Variants in LRRC49 observed in about 807,000 individuals in gnomAD.
LRRC49 encodes the protein leucine-rich repeat-containing protein 49.
Under a neutral mutation model 83.3 loss-of-function variants are expected in LRRC49, and 50 were observed. That is an observed-to-expected ratio of 0.60 (90% CI 0.48 to 0.76). The LOEUF (loss-of-function observed/expected upper bound fraction) is 0.76, where lower values mean the gene tolerates loss of function less well. Ranked by LOEUF, LRRC49 falls within the 30% of genes least tolerant of loss-of-function variation. The pLI is 0.00. For synonymous variants in LRRC49, 286 were observed against 283.3 expected (o/e 1.01, Z -0.10); for missense variants, 704 against 809.1 (o/e 0.87, Z 1.58).
At chr15:70,894,485 C>G (rs556618701) in intron 2 of LRRC49, 2 of 432,070 alleles carry the variant, frequency 4.6e-6, no homozygotes, top group South Asian at 2.1e-5. Flanking sequence ...CATAATGTCT[C>G]TAGCATTTCT....
intron 11 of LRRC49, among the ~76,000 whole-genome samples, chr15:70,996,701 T>TA (rs2038084891): frequency 6.6e-6 from 1 of 152,188 alleles, no homozygotes; most frequent in Non-Finnish European, 1.5e-5. Flanking sequence ...TCTAAATCTC[T>TA]GTTTTTTTGT....
intron 11 of LRRC49, among the ~76,000 whole-genome samples, chr15:71,007,090 A>G (rs1461774626): frequency 6.6e-6 from 1 of 151,982 alleles, no homozygotes; most frequent in Non-Finnish European, 1.5e-5. Context: ...TCTTGGTTGC[A>G]TATTCACTTA....
intron 11 of LRRC49, among the ~76,000 whole-genome samples, chr15:71,007,526 T>C (rs906622665): frequency 5.3e-5 from 8 of 151,776 alleles, no homozygotes; most frequent in African/African-American, 1.4e-4. Flanking sequence ...AAAACCATGC[T>C]TTGTTTAAGT....
At chr15:70,882,984 T>G in intron 2 of LRRC49, 1 of 1,478,356 alleles carries the variant, frequency 6.8e-7, no homozygotes, top group Non-Finnish European at 9.2e-7. Context: ...TTACAAGTAG[T>G]AAGACAGTAT....
intron 2 of LRRC49, 32 bp from the exon 3 acceptor site, chr15:70,895,817 C>T: frequency 1.4e-6 from 2 of 1,393,054 alleles, no homozygotes; most frequent in Non-Finnish European, 2.0e-6. Context: ...AATTTGTCTC[C>T]AAATATTTTT....
At chr15:70,988,322 G>A (rs1244220781) in intron 11 of LRRC49, among the ~76,000 whole-genome samples, 2 of 146,782 alleles carry the variant, frequency 1.4e-5, no homozygotes, top group Non-Finnish European at 1.5e-5. Flanking sequence ...GGGTGCTCCT[G>A]TATTGGGTGC....
upstream of LRRC49, chr15:70,891,884 C>T (rs778351800): frequency 1.9e-6 from 3 of 1,611,848 alleles, no homozygotes; most frequent in Admixed American, 3.3e-5. Context: ...GGGGCGTGTA[C>T]AGGAGACTGG....
intron 1 of LRRC49, among the ~76,000 whole-genome samples, chr15:70,862,191 C>T (rs1378796599): frequency 1.3e-5 from 2 of 152,206 alleles, no homozygotes; most frequent in Admixed American, 1.3e-4. Flanking sequence ...GCAGTCAATG[C>T]TTCTCCCTGA....
At chr15:70,863,441 A>G (rs2032839312) in intron 1 of LRRC49, among the ~76,000 whole-genome samples, 1 of 152,248 alleles carries the variant, frequency 6.6e-6, no homozygotes, top group African/African-American at 2.4e-5. Context: ...CCTTTTCTCA[A>G]GTATTCTGGT....
In LRRC49 at chr15:70,895,890, T is replaced by G. The variant is rs145782668; in HGVS notation, c.147T>G (p.Gly49=). ...KLNKDTSSFP[G]RLLQHDLERN... is the part of the protein sequence containing the mutation. The stretch of plus-strand genomic sequence containing the variant: ...ATAAAGACACATCGTCATTCCCCGG[T>G]AGACTTTTACAACATGACCTTGAAA... Residue 49 remains glycine, a synonymous_variant, in exon 3 of 16, where the codon GGT becomes GGG. Coordinates refer to ENST00000260382, the MANE Select transcript of LRRC49 (RefSeq NM_017691.5). 19 of 1,612,008 alleles carry G rather than the reference T, an allele frequency of 1.2e-5. No individual in the cohort carries two copies. Among genetic ancestry groups the G allele is most frequent in the Admixed American group, 1.7e-5 (1 of 59,822 alleles).
intron 8 of LRRC49, among the ~76,000 whole-genome samples, chr15:70,952,567 A>T (rs1275553997): frequency 6.6e-6 from 1 of 152,160 alleles, no homozygotes; most frequent in Non-Finnish European, 1.5e-5. Context: ...AGTCAGTCAG[A>T]GTATGTGCCA....
At chr15:70,883,648 A>AT (rs2033326041) in intron 2 of LRRC49, among the ~76,000 whole-genome samples, 4 of 122,646 alleles carry the variant, frequency 3.3e-5, no homozygotes, top group African/African-American at 1.4e-4. Context: ...TGTGAAATGG[A>AT]ATTTTTTTTT....
intron 8 of LRRC49, among the ~76,000 whole-genome samples, chr15:70,958,980 ATATCATCTAGCT>A (rs2036499366): frequency 6.6e-6 from 1 of 152,150 alleles, no homozygotes. Context: ...TGAATATTCT[ATATCATCTAGCT>A]TTTCTTGACA....
chr15:70,974,851 T>C (rs2037150619), intron 9 of LRRC49, among the ~76,000 whole-genome samples: 1 of 152,152 alleles, frequency 6.6e-6, no homozygotes, highest in Non-Finnish European at 1.5e-5. Context: ...TCTAGAAAAG[T>C]AAGCAGAATT....
At chr15:70,912,290 A>G (rs975212412) in intron 6 of LRRC49, among the ~76,000 whole-genome samples, 2 of 152,086 alleles carry the variant, frequency 1.3e-5, no homozygotes, top group Non-Finnish European at 2.9e-5. Flanking sequence ...GTTTTTTGCT[A>G]TTATGAATAG....
intron 2 of LRRC49, 94 bp downstream of exon 2, chr15:70,893,734 G>T: frequency 1.0e-6 from 1 of 981,832 alleles, no homozygotes; most frequent in East Asian, 2.5e-5. Context: ...ATTCTAAACT[G>T]AAAAATTTAA....
In LRRC49 at chr15:70,969,254, G is replaced by T. The variant is rs545655512; in HGVS notation, c.921+5322G>T. Among the ~76,000 whole-genome samples the T allele has an allele frequency of 1.1e-4, 16 of 152,258 alleles. No individual in the cohort carries two copies. The South Asian group carries it at 2.9e-3, about 28-fold the overall frequency. On this transcript the variant is annotated intron_variant, in intron 9 of 15. Coordinates refer to ENST00000260382, the MANE Select transcript of LRRC49 (RefSeq NM_017691.5). ...TTAAATAGGGAATCCTTTACCCATT[G>T]CTTGTTTTTGTCAGGTTTGTCAAAG...
At chr15:70,938,857 T>C (rs1485536560) in intron 8 of LRRC49, among the ~76,000 whole-genome samples, 1 of 152,168 alleles carries the variant, frequency 6.6e-6, no homozygotes, top group Non-Finnish European at 1.5e-5. Flanking sequence ...GTCTGTGTTA[T>C]TCAAACTTCA....
At chr15:70,989,655 T>C (rs1399725924) in intron 11 of LRRC49, among the ~76,000 whole-genome samples, 1 of 152,256 alleles carries the variant, frequency 6.6e-6, no homozygotes, top group Non-Finnish European at 1.5e-5. Context: ...TCCGTCCAGC[T>C]TTGTTCCATT....
Sources: allele counts gnomAD v4.1 joint callset (sites outside exome capture counted in the v4.1 genomes callset), GRCh38; gene constraint gnomAD v4.1.1; transcripts MANE v1.5; gene names NCBI Gene and HGNC (gene_info 2026-07-23, HGNC 2026-07-21).